The following NAAA variants were observed in gnomAD, a reference collection of about 807,000 sequenced individuals.
The protein encoded by NAAA is N-acylethanolamine acid amidase.
NAAA carries 39 observed loss-of-function variants against 44.8 expected under a neutral mutation model. That is an observed-to-expected ratio of 0.87 (90% confidence interval 0.67 to 1.14). The LOEUF is 1.14. NAAA is among the 50% of genes most tolerant of loss of function. The probability of loss-of-function intolerance (pLI) is 0.00; values close to 1 mark genes in which losing one functional copy is unlikely to be tolerated. For synonymous variants in NAAA, 178 were observed against 191.3 expected (o/e 0.93, Z 0.58); for missense variants, 460 against 467.8 (o/e 0.98, Z 0.15).
intron 5 of NAAA, among the ~76,000 whole-genome samples, chr4:75,922,907 A>C (rs1317594639): frequency 2.0e-5 from 3 of 152,214 alleles, no homozygotes; most frequent in African/African-American, 7.2e-5. Context: ...TCCATAAAAA[A>C]TACTGAAGGC....
intron 3 of NAAA, among the ~76,000 whole-genome samples, chr4:75,933,756 C>T (rs569456496): frequency 6.6e-6 from 1 of 151,942 alleles, no homozygotes; most frequent in East Asian, 1.9e-4. Context: ...AGCCTGGTGC[C>T]TGGTGCGGTG....
At chr4:75,940,651 G>T in intron 1 of NAAA, 93 bp downstream of exon 1, 2 of 1,319,146 alleles carry the variant, frequency 1.5e-6, no homozygotes, top group Non-Finnish European at 1.0e-6. Context: ...GGGGAGTAAA[G>T]CGTCCCCGTT....
chr4:75,919,749 A>C, intron 8 of NAAA, 160 bp downstream of exon 8: 1 of 703,916 alleles, frequency 1.4e-6, no homozygotes, highest in South Asian at 1.7e-5. Context: ...AAGTGCTGGG[A>C]TTACAGGTGT....
Position 75,920,692 on chromosome 4 carries a change from T to C in NAAA, c.902+46A>G, listed in dbSNP as rs772198588. Reference sequence around the variant, plus strand: ...CTGTGACAGAATGGGCATATTCTCCTGACCATAAGAAAACACTGCAAACCA... The same window carrying C: ...CTGTGACAGAATGGGCATATTCTCCCGACCATAAGAAAACACTGCAAACCA... On this transcript the variant is annotated intron_variant, in intron 7 of 10. Coordinates refer to ENST00000286733, the MANE Select transcript of NAAA (RefSeq NM_014435.4). The C allele has an allele frequency of 9.3e-6, 15 of 1,611,406 alleles. No individual in the cohort carries two copies. The East Asian group carries it at 3.3e-4, about 36-fold the overall frequency.
intron 4 of NAAA, among the ~76,000 whole-genome samples, chr4:75,930,095 AAAAC>A (rs373033826): frequency 3.9e-5 from 6 of 152,142 alleles, no homozygotes; most frequent in African/African-American, 9.7e-5. Flanking sequence ...CAAAAAAACA[AAAAC>A]AAACAAACAA....
intron 5 of NAAA, among the ~76,000 whole-genome samples, chr4:75,923,928 A>G (rs1726417963): frequency 6.6e-6 from 1 of 152,164 alleles, no homozygotes; most frequent in African/African-American, 2.4e-5. Flanking sequence ...ATAATAAAAG[A>G]TTAGGGTGGG....
At chr4:75,912,306 G>A (rs1173693088), downstream of NAAA, among the ~76,000 whole-genome samples, 3 of 152,182 alleles carry the variant, frequency 2.0e-5, no homozygotes, top group Admixed American at 1.3e-4. Context: ...TGTAATCCCA[G>A]CACTTTGGGA....
intron 3 of NAAA, among the ~76,000 whole-genome samples, chr4:75,932,517 A>T (rs1338611795): frequency 6.6e-6 from 1 of 152,100 alleles, no homozygotes; most frequent in Non-Finnish European, 1.5e-5. Context: ...CAAACTCTGT[A>T]TGTCACCGAG....
At chr4:75,915,328 A>G (rs1223002260) in intron 9 of NAAA, among the ~76,000 whole-genome samples, 1 of 152,126 alleles carries the variant, frequency 6.6e-6, no homozygotes, top group Non-Finnish European at 1.5e-5. Context: ...CAGCCTGGGC[A>G]ACAGAGTGAG....
chr4:75,940,389 A>C (rs1331758571), intron 1 of NAAA: 2 of 583,320 alleles, frequency 3.4e-6, no homozygotes, highest in East Asian at 5.7e-5. Flanking sequence ...CCGAATGGGG[A>C]GGGCGAGTGA....
At chr4:75,921,411 C>T (rs1466518713) in intron 5 of NAAA, among the ~76,000 whole-genome samples, 1 of 152,188 alleles carries the variant, frequency 6.6e-6, no homozygotes, top group Non-Finnish European at 1.5e-5. Flanking sequence ...GCAGATCGCC[C>T]TCACAAAGGA....
downstream of NAAA, chr4:75,913,525 T>C (rs1298066495): frequency 3.2e-6 from 1 of 317,356 alleles, no homozygotes; most frequent in East Asian, 1.7e-4. Flanking sequence ...AATCAAACTC[T>C]ACCAAGCAGC....
At chr4:75,937,374 G>A (rs1032777123) in intron 2 of NAAA, among the ~76,000 whole-genome samples, 6 of 152,180 alleles carry the variant, frequency 3.9e-5, no homozygotes, top group Non-Finnish European at 7.3e-5. Context: ...AGCCAAGATC[G>A]TGCCACTACA....
In NAAA at chr4:75,918,798, GAA is replaced by G; in HGVS notation, c.970-11_970-10del. On this transcript the variant is annotated splice_polypyrimidine_tract_variant and intron_variant, in intron 8 of 10. Transcript: ENST00000286733. ...GGAACCACCGACAAAATCTGCATAG[GAA>G]AAAGTCATTTTATAGAGAAGATTAC... 2 of 1,610,440 alleles carry G rather than the reference GAA, an allele frequency of 1.2e-6. No individual in the cohort carries two copies. Among genetic ancestry groups the G allele is most frequent in the Non-Finnish European group, 1.7e-6 (2 of 1,177,160 alleles).
At chr4:75,931,060 G>A (rs1223442737) in intron 4 of NAAA, among the ~76,000 whole-genome samples, 154 bp downstream of exon 4, 1 of 152,064 alleles carries the variant, frequency 6.6e-6, no homozygotes, top group Admixed American at 6.5e-5. Context: ...AATCTTCATT[G>A]CTTCCATGCA....
rs1385436710 is a variant in NAAA, at chr4:75,919,928, C to T, written c.950G>A (p.Ser317Asn). Residue 317 changes from serine to asparagine, a missense_variant, in exon 8 of 11, where the codon AGC becomes AAC. By Grantham distance (46) the Ser-to-Asn change is conservative. Coordinates refer to ENST00000286733, the MANE Select transcript of NAAA (RefSeq NM_014435.4). ...ALNATGQANL[S>N]LEALFQILSV... ...AGTTACCTGGAAAAGTGCCTCCAGG[C>T]TGAGGTTTGCTTGTCCTGTAGCATT... 1 of 1,614,016 alleles carries T rather than the reference C, an allele frequency of 6.2e-7. No homozygotes were observed. Among genetic ancestry groups the T allele is most frequent in the Non-Finnish European group, 8.5e-7 (1 of 1,179,918 alleles).
intron 5 of NAAA, 41 bp from the exon 6 acceptor site, chr4:75,921,164 A>G (rs1181648992): frequency 1.8e-5 from 27 of 1,529,684 alleles, no homozygotes; most frequent in Non-Finnish European, 2.2e-5. Flanking sequence ...CCCCACCTGC[A>G]GTTGGGTCCA....
At chr4:75,931,133 C>A in intron 4 of NAAA, 81 bp downstream of exon 4, 2 of 1,129,022 alleles carry the variant, frequency 1.8e-6, no homozygotes, top group South Asian at 1.4e-5. Flanking sequence ...TCTGTATATT[C>A]TGTTGGGTGA....
intron 5 of NAAA, among the ~76,000 whole-genome samples, chr4:75,924,065 C>G (rs925937906): frequency 1.3e-5 from 2 of 152,198 alleles, no homozygotes; most frequent in African/African-American, 4.8e-5. Context: ...ACCACAGAAG[C>G]AGCAACTCAT....
Sources: gnomAD v4.1 joint callset for allele counts (sites outside exome capture counted in the v4.1 genomes callset) on GRCh38, gnomAD v4.1.1 for gene constraint, MANE v1.5 for transcripts, NCBI Gene and HGNC (gene_info 2026-07-23, HGNC 2026-07-21) for gene names.